Variants in PTBP1 observed in about 807,000 individuals in gnomAD.
PTBP1 encodes the protein polypyrimidine tract binding protein 1.
Under a neutral mutation model 59.8 loss-of-function variants are expected in PTBP1, and 8 were observed. The observed-to-expected ratio is 0.13, with a 90% CI of 0.08 to 0.24. The LOEUF (loss-of-function observed/expected upper bound fraction) is 0.24. Among genes scored for constraint, PTBP1 ranks in the 10% least tolerant of loss-of-function variants. The pLI is 1.00. For synonymous variants in PTBP1, 490 were observed against 320.7 expected (o/e 1.53, Z -5.64); for missense variants, 686 against 767.0 (o/e 0.89, Z 1.25).
At chr19:800,417 T>C (rs1435327009) in intron 2 of PTBP1, among the ~76,000 whole-genome samples, 2 of 152,012 alleles carry the variant, frequency 1.3e-5, no homozygotes, top group Non-Finnish European at 2.9e-5. Flanking sequence ...AAGAAGAAGG[T>C]CCTGGGGAGG....
At chr19:807,762 G>A in intron 10 of PTBP1, 107 bp from the exon 11 acceptor site, 1 of 834,918 alleles carries the variant, frequency 1.2e-6, no homozygotes, top group Non-Finnish European at 2.0e-6. Context: ...ATCAACCACT[G>A]CACGCCTGCG....
intron 3 of PTBP1, 55 bp downstream of exon 3, chr19:803,691 A>AC (rs1282382681): frequency 1.0e-5 from 15 of 1,475,138 alleles, no homozygotes; most frequent in Non-Finnish European, 1.4e-5. Flanking sequence ...CCCTGGAACA[A>AC]CGTTACGTTC....
chr19:809,014 A>G (rs2034720341), intron 13 of PTBP1, among the ~76,000 whole-genome samples: 2 of 152,036 alleles, frequency 1.3e-5, no homozygotes, highest in South Asian at 2.1e-4. Context: ...ACATTTATTT[A>G]TTTATATTTT....
At chr19:802,475 A>T (rs1174655493) in intron 2 of PTBP1, among the ~76,000 whole-genome samples, 2 of 151,458 alleles carry the variant, frequency 1.3e-5, no homozygotes, top group Non-Finnish European at 2.9e-5. Flanking sequence ...ACAGGGTGTG[A>T]TATCCACTGG....
chr19:810,851 C>T lies in PTBP1; in HGVS notation c.*25C>T, dbSNP rs376079799. The T allele has an allele frequency of 1.1e-5, 16 of 1,506,322 alleles. No individual in the cohort carries two copies. The African/African-American group carries it at 2.0e-4, about 19-fold the overall frequency. 93.3% of individuals were successfully genotyped at this position (1,506,322 alleles called of 1,614,324 possible). A position where few individuals can be genotyped will look rare whatever the true frequency, so the allele number is the denominator to read the frequency against. ...GGGGCACAGGCCCCCACGGCCGGGC[C>T]CCCTGGCGACAACTTCCATCATTCC... On this transcript the variant is annotated 3_prime_UTR_variant, in exon 15 of 15. Coordinates refer to ENST00000356948, the MANE Select transcript of PTBP1 (RefSeq NM_002819.5).
rs2034161083 is a variant in PTBP1 at position 798,108 on chromosome 19, C to T, written c.8+603C>T. On this transcript the variant is annotated intron_variant, in intron 1 of 14. Coordinates refer to ENST00000356948, the MANE Select transcript of PTBP1 (RefSeq NM_002819.5). Reference sequence around the variant, plus strand: ...CGCTCCCCGCCCTACCCCTGCCCCCCGTGCGCCCCGGGCCGCGGCCAAGGG... The same window carrying T: ...CGCTCCCCGCCCTACCCCTGCCCCCTGTGCGCCCCGGGCCGCGGCCAAGGG... Among the ~76,000 whole-genome samples, 3 of 151,916 alleles carry T rather than the reference C, an allele frequency of 2.0e-5. No homozygotes were observed. The South Asian group carries it at 6.2e-4, about 31-fold the overall frequency.
chr19:808,945 G>A lies in PTBP1; in HGVS notation c.1463+183G>A, dbSNP rs1028505046. On this transcript the variant is annotated intron_variant, in intron 13 of 14. Transcript: ENST00000356948. This position sits in a 1 kb window ranked among gnomAD's most constrained non-coding sequence, Gnocchi z 4.7. ...CGAGGGCTGCTCAAGGGAGGGGGTC[G>A]TTGGACACTTTGGAGGTTTTGGCTC... Among the ~76,000 whole-genome samples the A allele has an allele frequency of 2.6e-5, 4 of 152,176 alleles. No homozygotes were observed. The highest frequency in any genetic ancestry group is 4.8e-5 in the African/African-American group (2 of 41,440).
In PTBP1 at chr19:808,631, C is replaced by A. The variant is rs1058275; in HGVS notation, c.1332C>A (p.Arg444=). The A allele has an allele frequency of 4.3e-5, 70 of 1,611,042 alleles. No individual in the cohort carries two copies. The highest frequency in any genetic ancestry group is 5.5e-5 in the Non-Finnish European group (65 of 1,179,740). ...AGCACCAGAACGTGCAGCTGCCCCGCGAGGGCCAGGAGGACCAGGGCCTGA... is the reference window on the plus strand; with the variant it reads ...AGCACCAGAACGTGCAGCTGCCCCGAGAGGGCCAGGAGGACCAGGGCCTGA... ...LSKHQNVQLP[R]EGQEDQGLTK... Residue 444 remains arginine, a synonymous_variant, in exon 13 of 15, where the codon CGC becomes CGA. Coordinates refer to ENST00000356948, the MANE Select transcript of PTBP1 (RefSeq NM_002819.5). This position sits in a 1 kb window ranked among gnomAD's most constrained non-coding sequence, Gnocchi z 4.7.
At chr19:799,474 C>G (rs550976488) in intron 2 of PTBP1, 31 bp downstream of exon 2, 29 of 1,612,008 alleles carry the variant, frequency 1.8e-5, no homozygotes, top group Middle Eastern at 3.3e-4. Context: ...TTCTCCGTGA[C>G]GCTCCTCTGA....
In PTBP1 at chr19:808,281, G is replaced by C; in HGVS notation, c.1154-79G>C. 8.2e-7 allele frequency: 1 copy of C among 1,221,074 alleles called. No homozygotes were observed. Among genetic ancestry groups the C allele is most frequent in the Non-Finnish European group, 1.2e-6 (1 of 850,808 alleles). The allele number at this position is 1,221,074 out of a possible 1,614,324, so 75.6% of individuals were successfully genotyped here. On this transcript the variant is annotated intron_variant, in intron 11 of 14. Transcript: ENST00000356948. This position sits in a 1 kb window ranked among gnomAD's most constrained non-coding sequence, Gnocchi z 4.7. Reference sequence around the variant, plus strand: ...CCGGGCTGAGCCGGGCCTTGTGGGGGTGCGCGGGGCCGGGGCTGACGGGGA... The same window carrying C: ...CCGGGCTGAGCCGGGCCTTGTGGGGCTGCGCGGGGCCGGGGCTGACGGGGA...
chr19:799,587 G>T (rs2034241750), intron 2 of PTBP1, 144 bp downstream of exon 2: 1 of 854,402 alleles, frequency 1.2e-6, no homozygotes, highest in Admixed American at 1.9e-5. Context: ...ATCTGGAGTT[G>T]GGCGGTAGGG....
At position 808,662 on chromosome 19, in the gene PTBP1, G is replaced by A. The variant is rs1230487681; in HGVS notation, c.1363G>A (p.Asp455Asn). Residue 455 changes from aspartate to asparagine, a missense_variant, in exon 13 of 15, where the codon GAC becomes AAC. Asp to Asn is a conservative substitution (Grantham distance 23, BLOSUM62 1). Coordinates refer to ENST00000356948, the MANE Select transcript of PTBP1 (RefSeq NM_002819.5). This position sits in a 1 kb window ranked among gnomAD's most constrained non-coding sequence, Gnocchi z 4.7. ...EGQEDQGLTK[D>N]YGNSPLHRFK... ...CCAGGAGGACCAGGGCCTGACCAAGGACTACGGCAACTCACCCCTGCACCG... is the reference window on the plus strand; with the variant it reads ...CCAGGAGGACCAGGGCCTGACCAAGAACTACGGCAACTCACCCCTGCACCG... 1.2e-6 allele frequency: 2 copies of A among 1,612,378 alleles called. No individual in the cohort carries two copies. Among genetic ancestry groups the A allele is most frequent in the Admixed American group, 1.7e-5 (1 of 60,004 alleles).
chr19:808,263 G>C lies in PTBP1; in HGVS notation c.1154-97G>C, dbSNP rs1292634181. On this transcript the variant is annotated intron_variant, in intron 11 of 14. Coordinates refer to ENST00000356948, the MANE Select transcript of PTBP1 (RefSeq NM_002819.5). This position sits in a 1 kb window ranked among gnomAD's most constrained non-coding sequence, Gnocchi z 4.7. ...CCGATAAAGCAAACCCGGCCGGGCT[G>C]AGCCGGGCCTTGTGGGGGTGCGCGG... 23 of 1,058,800 alleles carry C rather than the reference G, an allele frequency of 2.2e-5. No homozygotes were observed. Among genetic ancestry groups the C allele is most frequent in the Admixed American group, 4.1e-5 (2 of 48,358 alleles). The allele number at this position is 1,058,800 out of a possible 1,614,324, so 65.6% of individuals were successfully genotyped here.
chr19:806,290 C>A, intron 9 of PTBP1, 118 bp from the exon 10 acceptor site: 3 of 1,220,056 alleles, frequency 2.5e-6, no homozygotes, highest in East Asian at 3.2e-5. Flanking sequence ...GGGCCAGAGC[C>A]AGGGCCGCCT....
In PTBP1 at chr19:808,512, C is replaced by CG. The variant is rs773680923; in HGVS notation, c.1247-31dup. On this transcript the variant is annotated intron_variant, in intron 12 of 14. Coordinates refer to ENST00000356948, the MANE Select transcript of PTBP1 (RefSeq NM_002819.5). The surrounding 1 kb of genome is among the most constrained non-coding windows in gnomAD (Gnocchi z 4.7). Reference sequence around the variant, plus strand: ...CAGGGGCGGGGGCTGCGTTCCCTCTCGGGCGCCTGGTCACGCGGGTGCTGC... The same window carrying CG: ...CAGGGGCGGGGGCTGCGTTCCCTCTCGGGGCGCCTGGTCACGCGGGTGCTGC... 1.9e-6 allele frequency: 3 copies of CG among 1,559,860 alleles called. No homozygotes were observed. In the East Asian group the frequency reaches 7.2e-5, roughly 37 times the overall value.
intron 5 of PTBP1, 46 bp downstream of exon 5, chr19:804,484 G>A (rs938262326): frequency 1.0e-5 from 16 of 1,595,922 alleles, no homozygotes; most frequent in East Asian, 2.2e-5. Flanking sequence ...GACCTCGGGG[G>A]TGGGCCCAGC....
chr19:797,627 C>T, intron 1 of PTBP1, 122 bp downstream of exon 1: 1 of 558,756 alleles, frequency 1.8e-6, no homozygotes, highest in Non-Finnish European at 2.6e-6. Context: ...GCGGCGGGCT[C>T]TCCCCTTCCT....
chr19:804,256 A>G, intron 4 of PTBP1, 36 bp from the exon 5 acceptor site: 3 of 1,611,976 alleles, frequency 1.9e-6, no homozygotes, highest in Non-Finnish European at 2.5e-6. Flanking sequence ...GCAGGCGGGG[A>G]CGAGGAGGGC....
intron 10 of PTBP1, 31 bp downstream of exon 10, chr19:806,587 C>T (rs369750687): frequency 1.5e-5 from 22 of 1,470,628 alleles, no homozygotes; most frequent in Admixed American, 2.5e-5. Flanking sequence ...CGCCGCCGTT[C>T]CTCCCGGAAG....
Sources: allele counts gnomAD v4.1 joint callset (sites outside exome capture counted in the v4.1 genomes callset), GRCh38; gene constraint gnomAD v4.1.1; non-coding constraint Gnocchi (gnomAD v3.1); transcripts MANE v1.5; gene names NCBI Gene and HGNC (gene_info 2026-07-23, HGNC 2026-07-21).